Variants in HECW2 observed in about 807,000 individuals in gnomAD.
HECW2 encodes HECT, C2 and WW domain containing E3 ubiquitin protein ligase 2, also known as E3 ubiquitin-protein ligase HECW2.
A neutral mutation model predicts 175.2 loss-of-function variants in HECW2; 61 were observed. That is an observed-to-expected ratio of 0.35 (90% CI 0.28 to 0.43). HECW2 has a LOEUF of 0.43. Ranked by LOEUF, HECW2 falls within the 20% of genes least tolerant of loss-of-function variation. The pLI is 1.00. For synonymous variants in HECW2, 671 were observed against 731.0 expected, an observed-to-expected ratio of 0.92 and a Z score of 1.32; for missense variants, 1,524 against 2,000.5, an observed-to-expected ratio of 0.76 and a Z score of 4.54.
chr2:196,449,162 C>T (rs1282169840), intron 1 of HECW2, among the ~76,000 whole-genome samples: 3 of 151,888 alleles, frequency 2.0e-5, no homozygotes, highest in Admixed American at 1.3e-4. Flanking sequence ...CTGGGAATTT[C>T]GCTGGGCTAC....
In HECW2 at chr2:196,220,097, G is replaced by T. The variant is rs779698636; in HGVS notation, c.4350C>A (p.Ile1450=). The T allele has an allele frequency of 1.9e-6, 3 of 1,613,492 alleles. No individual in the cohort carries two copies. Among genetic ancestry groups the T allele is most frequent in the Admixed American group, 3.3e-5 (2 of 59,980 alleles). The change falls in exon 26 of 29, where the codon ATC becomes ATA. Residue 1450 remains isoleucine (I), a synonymous_variant. Coordinates refer to ENST00000644978, the MANE Select transcript of HECW2 (RefSeq NM_001348768.2). ...VFDARELELV[I]AGTAEIDLSD... is the part of the protein sequence containing the mutation. ...TTAGGTCTATTTCAGCTGTGCCTGCGATGACCAATTCCAGTTCTCTTGCAT... is the reference window on the plus strand; with the variant it reads ...TTAGGTCTATTTCAGCTGTGCCTGCTATGACCAATTCCAGTTCTCTTGCAT...
At chr2:196,360,195 G>GTATA (rs1235684152) in intron 2 of HECW2, among the ~76,000 whole-genome samples, 1 of 152,174 alleles carries the variant, frequency 6.6e-6, no homozygotes, top group Non-Finnish European at 1.5e-5. Context: ...CCACTTCTGG[G>GTATA]TATATACCCA....
At chr2:196,552,256 T>G (rs1239588856) in intron 1 of HECW2, among the ~76,000 whole-genome samples, 4 of 152,220 alleles carry the variant, frequency 2.6e-5, no homozygotes, top group Non-Finnish European at 5.9e-5. Context: ...GAAAGCTTCT[T>G]AAAGGCTGTG....
intron 2 of HECW2, among the ~76,000 whole-genome samples, chr2:196,382,939 G>A (rs1694248534): frequency 6.6e-6 from 1 of 152,130 alleles, no homozygotes; most frequent in African/African-American, 2.4e-5. Context: ...TAACTTTCAT[G>A]ATCAGGGACA....
At position 196,576,428 on chromosome 2, in the gene HECW2, C is replaced by T. The variant is rs148835004; in HGVS notation, c.-36+17080G>A. Among the ~76,000 whole-genome samples, 181 of 152,142 alleles carry T rather than the reference C, an allele frequency of 1.2e-3. 1 individual carries two copies. The highest frequency in any genetic ancestry group is 9.7e-3 in the East Asian group (50 of 5,180). On this transcript the variant is annotated intron_variant, in intron 1 of 28. Transcript: ENST00000644978. ...GCCATTTGTGACAACATGAATGAAC[C>T]TGGAAGACATTATGCTAAGTGAAAT...
intron 1 of HECW2, among the ~76,000 whole-genome samples, chr2:196,445,396 T>C (rs1696153824): frequency 6.6e-6 from 1 of 152,210 alleles, no homozygotes; most frequent in South Asian, 2.1e-4. Flanking sequence ...TCCATTCACT[T>C]GTTTAATTAG....
At chr2:196,487,979 A>T (rs1259657340) in intron 1 of HECW2, among the ~76,000 whole-genome samples, 2 of 152,240 alleles carry the variant, frequency 1.3e-5, no homozygotes, top group Non-Finnish European at 2.9e-5. Context: ...GCAAAGCTCT[A>T]GAACTACAAA....
Position 196,258,168 on chromosome 2 carries a change from C to T in HECW2, c.3336-262G>A. On this transcript the variant is annotated intron_variant, in intron 17 of 28. Transcript: ENST00000644978. Reference sequence around the variant, plus strand: ...TCACTGGCTTCATCATTTTGCTGCCCAAGTACTATAAATAGTATACTATTC... The same window carrying T: ...TCACTGGCTTCATCATTTTGCTGCCTAAGTACTATAAATAGTATACTATTC... 1.3e-5 allele frequency: 6 copies of T among 455,494 alleles called. No individual in the cohort carries two copies. In the South Asian group the frequency reaches 1.6e-4, roughly 12 times the overall value. 28.2% of individuals were successfully genotyped at this position (455,494 alleles called of 1,614,324 possible). A position where few individuals can be genotyped will look rare whatever the true frequency, so the allele number is the denominator to read the frequency against.
intron 1 of HECW2, among the ~76,000 whole-genome samples, chr2:196,520,761 T>G (rs1688335230): frequency 6.6e-6 from 1 of 152,152 alleles, no homozygotes; most frequent in South Asian, 2.1e-4. Context: ...ATATCAACGT[T>G]CCACAGTTAA....
chr2:196,324,677 T>A (rs1235223199), intron 6 of HECW2, among the ~76,000 whole-genome samples: 1 of 152,206 alleles, frequency 6.6e-6, no homozygotes, highest in Non-Finnish European at 1.5e-5. Context: ...AATGTTCATA[T>A]TTTATTCATT....
chr2:196,275,662 G>C (rs1163218238), intron 15 of HECW2, among the ~76,000 whole-genome samples: 3 of 151,910 alleles, frequency 2.0e-5, no homozygotes, highest in Non-Finnish European at 2.9e-5. Context: ...TGAGGCAGGA[G>C]AATCTCTTGA....
chr2:196,419,626 A>G (rs1297307731), intron 2 of HECW2, among the ~76,000 whole-genome samples: 2 of 152,132 alleles, frequency 1.3e-5, no homozygotes, highest in Admixed American at 6.5e-5. Context: ...TATCTCACCT[A>G]TTATGAGCTG....
At chr2:196,251,357 C>T (rs1688847136) in intron 19 of HECW2, among the ~76,000 whole-genome samples, 1 of 152,198 alleles carries the variant, frequency 6.6e-6, no homozygotes, top group Non-Finnish European at 1.5e-5. Context: ...TCTATTTCCT[C>T]TCCTTTTCAA....
chr2:196,437,006 G>T (rs908768652), intron 1 of HECW2, among the ~76,000 whole-genome samples: 1 of 152,020 alleles, frequency 6.6e-6, no homozygotes, highest in Non-Finnish European at 1.5e-5. Flanking sequence ...CAGGTATCTC[G>T]AGTAAGCCCT....
At chr2:196,309,517 G>A (rs1407769932) in intron 10 of HECW2, among the ~76,000 whole-genome samples, 1 of 152,174 alleles carries the variant, frequency 6.6e-6, no homozygotes, top group Non-Finnish European at 1.5e-5. Flanking sequence ...GTACATTAAA[G>A]CATCTTCAGG....
At chr2:196,506,383 A>C (rs1687761644) in intron 1 of HECW2, among the ~76,000 whole-genome samples, 1 of 152,236 alleles carries the variant, frequency 6.6e-6, no homozygotes, top group Non-Finnish European at 1.5e-5. Flanking sequence ...CTGCAACTTC[A>C]AGTGAAATGA....
chr2:196,488,924 T>C (rs1195477083), intron 1 of HECW2, among the ~76,000 whole-genome samples: 1 of 152,048 alleles, frequency 6.6e-6, no homozygotes, highest in East Asian at 1.9e-4. Context: ...AACTTAAAAA[T>C]TCCATGCATA....
chr2:196,502,747 G>A (rs1559146372), intron 1 of HECW2, among the ~76,000 whole-genome samples: 1 of 152,092 alleles, frequency 6.6e-6, no homozygotes, highest in Admixed American at 6.5e-5. Context: ...CCGCCCAATG[G>A]AGCTCATGTG....
At chr2:196,302,253 GT>G (rs755616137) in intron 13 of HECW2, among the ~76,000 whole-genome samples, 1 of 152,084 alleles carries the variant, frequency 6.6e-6, no homozygotes, top group Non-Finnish European at 1.5e-5. Flanking sequence ...CTATGTGTCT[GT>G]TTTTGTATCA....
Sources: gnomAD v4.1 joint callset for allele counts (sites outside exome capture counted in the v4.1 genomes callset) on GRCh38, gnomAD v4.1.1 for gene constraint, MANE v1.5 for transcripts, NCBI Gene and HGNC (gene_info 2026-07-23, HGNC 2026-07-21) for gene names.